The following CFAP91 variants were observed in gnomAD, a reference collection of about 807,000 sequenced individuals.
CFAP91 encodes the protein cilia- and flagella-associated protein 91.
Under a neutral mutation model 95.9 loss-of-function variants are expected in CFAP91, and 85 were observed. That is an observed-to-expected ratio of 0.89 (90% CI 0.74 to 1.06). The LOEUF is 1.06. CFAP91 is among the 50% of genes least tolerant of loss of function. The pLI, the probability that CFAP91 is intolerant of heterozygous loss-of-function variation, is 0.00. For missense variants in CFAP91, 962 were observed against 943.4 expected (o/e 1.02, Z -0.26); for synonymous variants, 335 against 327.5 (o/e 1.02, Z -0.25).
intron 17 of CFAP91, among the ~76,000 whole-genome samples, chr3:119,758,201 A>G (rs570989338): frequency 5.6e-4 from 86 of 152,236 alleles, no homozygotes; most frequent in African/African-American, 1.9e-3. Flanking sequence ...TTTTCTAAGT[A>G]AGAACACCAT....
chr3:119,758,996 ATGT>A (rs965417412), intron 17 of CFAP91, among the ~76,000 whole-genome samples: 1 of 152,178 alleles, frequency 6.6e-6, no homozygotes, highest in African/African-American at 2.4e-5. Flanking sequence ...TTTATAAAAA[ATGT>A]TGTGAAAATT....
At chr3:119,757,050 T>C (rs564013772) in intron 17 of CFAP91, among the ~76,000 whole-genome samples, 22 of 152,016 alleles carry the variant, frequency 1.4e-4, no homozygotes, top group African/African-American at 4.3e-4. Context: ...AGTTAAAAGA[T>C]TGAAAAAGAT....
chr3:119,752,722 C>T (rs1444147010), intron 17 of CFAP91, among the ~76,000 whole-genome samples: 2 of 152,042 alleles, frequency 1.3e-5, no homozygotes, highest in Admixed American at 1.3e-4. Context: ...TCCATAGTGA[C>T]CTGTGAAATC....
intron 12 of CFAP91, 135 bp downstream of exon 12, chr3:119,739,461 A>G (rs2054075260): frequency 4.1e-6 from 3 of 736,504 alleles, no homozygotes; most frequent in Non-Finnish European, 6.9e-6. Context: ...TGAGTTGCCT[A>G]CCCATTTCCT....
intron 8 of CFAP91, among the ~76,000 whole-genome samples, chr3:119,731,513 G>T (rs1041453967): frequency 1.3e-5 from 2 of 152,108 alleles, no homozygotes; most frequent in Non-Finnish European, 2.9e-5. Context: ...ACTAATTTTT[G>T]TAGGTGAATA....
At position 119,751,045 on chromosome 3, in the gene CFAP91, C is replaced by T; in HGVS notation, c.2252C>T (p.Ser751Leu). ...ACTGAGGGAGAGCAAGATGAGGCCT[C>T]AAATGCTGCCATGTTACTTGAGAAA... ...KLTEGEQDEA[S>L]NAAMLLEKET... is the part of the protein sequence containing the mutation. Residue 751 changes from serine to leucine, a missense_variant, in exon 17 of 18, where the codon TCA (serine) becomes TTA (leucine). Coordinates refer to ENST00000273390, the MANE Select transcript of CFAP91 (RefSeq NM_033364.4). The T allele has an allele frequency of 1.2e-6, 2 of 1,613,254 alleles. No individual in the cohort carries two copies. The highest frequency in any genetic ancestry group is 1.1e-5 in the South Asian group (1 of 90,842).
rs746117707 is a variant in CFAP91, at chr3:119,726,265, C to T, written c.777C>T (p.Asp259=). The T allele has an allele frequency of 1.3e-5, 21 of 1,613,920 alleles. No individual in the cohort carries two copies. Among genetic ancestry groups the T allele is most frequent in the Middle Eastern group, 1.7e-4 (1 of 6,060 alleles). ...AWEASLPALS[D]TSQFEKRRKM... ...AAGCCTCTCTCCCCGCTCTGAGTGA[C>T]ACCTCCCAGTTTGAGAAGAGGAGGA... Residue 259 remains aspartate, a synonymous_variant, in exon 7 of 18, where the codon GAC becomes GAT. Coordinates refer to ENST00000273390, the MANE Select transcript of CFAP91 (RefSeq NM_033364.4).
intron 10 of CFAP91, among the ~76,000 whole-genome samples, chr3:119,736,224 T>G (rs2054000532): frequency 6.6e-6 from 1 of 151,474 alleles, no homozygotes; most frequent in Middle Eastern, 3.2e-3. Context: ...CAATTCCCCC[T>G]TCCCCTCAGC....
chr3:119,732,612 A>G, intron 9 of CFAP91, 136 bp downstream of exon 9: 1 of 638,116 alleles, frequency 1.6e-6, no homozygotes, highest in East Asian at 3.0e-5. Flanking sequence ...GATACAAACC[A>G]ATAAAAACTA....
chr3:119,735,479 A>AT (rs1291503450), intron 10 of CFAP91, among the ~76,000 whole-genome samples: 5 of 152,168 alleles, frequency 3.3e-5, no homozygotes, highest in African/African-American at 1.2e-4. Flanking sequence ...ACCCATTATG[A>AT]TTTTTTAATC....
At chr3:119,749,691 C>T (rs1032055278) in intron 16 of CFAP91, among the ~76,000 whole-genome samples, 2 of 151,994 alleles carry the variant, frequency 1.3e-5, no homozygotes, top group African/African-American at 2.4e-5. Context: ...ATCAAAAAAG[C>T]CATATGAACA....
At position 119,703,175 on chromosome 3, in the gene CFAP91, G is replaced by C; in HGVS notation, c.77G>C (p.Arg26Pro). The C allele has an allele frequency of 6.2e-7, 1 of 1,608,874 alleles. No homozygotes were observed. Residue 26 changes from arginine (R) to proline (P), a missense_variant, in exon 1 of 18, where the codon CGG (arginine) becomes CCG (proline). Arg to Pro is a moderately radical substitution (Grantham distance 103, BLOSUM62 -2). Coordinates refer to ENST00000273390, the MANE Select transcript of CFAP91 (RefSeq NM_033364.4). ...VSQTRYRERS[R>P]AGSHISSNRA... ...CAAACTCGGTACCGGGAGAGGTCGC[G>C]GGCTGGGAGCCACATCTCCTCCAAT...
intron 3 of CFAP91, 129 bp downstream of exon 3, chr3:119,707,690 C>T (rs2053394281): frequency 1.8e-6 from 1 of 556,332 alleles, no homozygotes; most frequent in Admixed American, 3.9e-5. Context: ...CTTTCTAAAC[C>T]TCTTTTGACC....
chr3:119,744,006 T>C lies in CFAP91; in HGVS notation c.1712T>C (p.Leu571Pro). 1.9e-6 allele frequency: 3 copies of C among 1,612,922 alleles called. No individual in the cohort carries two copies. The East Asian group carries it at 6.7e-5, about 36-fold the overall frequency. The change falls in exon 14 of 18, where the codon CTG becomes CCG. Residue 571 changes from leucine to proline, a missense_variant. Transcript: ENST00000273390. ...CTGGTTGAAAACCATTTGGCCGGAC[T>C]GGAAGGAAGGGCACTAGCAGACATG... ...VSLVENHLAG[L>P]EGRALADMFD...
intron 15 of CFAP91, 74 bp downstream of exon 15, chr3:119,747,337 T>A: frequency 6.7e-7 from 1 of 1,495,586 alleles, no homozygotes; most frequent in Non-Finnish European, 9.0e-7. Context: ...TTCAAGAGCT[T>A]ACAATTTCAC....
intron 17 of CFAP91, among the ~76,000 whole-genome samples, chr3:119,751,526 C>T (rs1379161956): frequency 2.6e-5 from 4 of 152,090 alleles, no homozygotes; most frequent in Non-Finnish European, 5.9e-5. Flanking sequence ...TCTGCAGTGC[C>T]CACAAGGGGT....
chr3:119,734,959 T>C (rs1024640876), intron 10 of CFAP91, among the ~76,000 whole-genome samples: 2 of 152,326 alleles, frequency 1.3e-5, no homozygotes, highest in Admixed American at 6.5e-5. Flanking sequence ...TTACAACTTA[T>C]AGAACTCTTC....
intron 17 of CFAP91, among the ~76,000 whole-genome samples, chr3:119,751,551 A>G (rs139477139): frequency 1.4e-3 from 206 of 152,310 alleles, no homozygotes; most frequent in African/African-American, 4.7e-3. Context: ...CTTGGGCTCA[A>G]CTAAAGGCTG....
chr3:119,722,262 G>T (rs1178496930), intron 6 of CFAP91, among the ~76,000 whole-genome samples: 1 of 151,376 alleles, frequency 6.6e-6, no homozygotes, highest in Non-Finnish European at 1.5e-5. Flanking sequence ...TTCAAGACCA[G>T]CCTGGCCAAC....
Sources: gnomAD v4.1 joint callset for allele counts (sites outside exome capture counted in the v4.1 genomes callset) on GRCh38, gnomAD v4.1.1 for gene constraint, MANE v1.5 for transcripts, NCBI Gene and HGNC (gene_info 2026-07-23, HGNC 2026-07-21) for gene names.